Variants in LUZP2 observed in about 807,000 individuals in gnomAD.
LUZP2 encodes leucine zipper protein 2.
Under a neutral mutation model 51.6 loss-of-function variants are expected in LUZP2, and 52 were observed. The ratio of observed to expected loss-of-function variants is 1.01; its 90% CI spans 0.81 to 1.27. LUZP2 has a LOEUF of 1.27. Among genes scored for constraint, LUZP2 ranks in the 50% most tolerant of loss-of-function variants. The pLI, the probability that LUZP2 is intolerant of heterozygous loss-of-function variation, is 0.00. For synonymous variants in LUZP2, 154 were observed against 137.3 expected, an observed-to-expected ratio of 1.12 and a Z score of -0.85; for missense variants, 436 against 395.4, an observed-to-expected ratio of 1.10 and a Z score of -0.87.
At chr11:24,703,304 T>C (rs2133914488) in intron 1 of LUZP2, among the ~76,000 whole-genome samples, 1 of 152,244 alleles carries the variant, frequency 6.6e-6, no homozygotes, top group Middle Eastern at 3.4e-3. Flanking sequence ...ATCTTAAAAG[T>C]CTGTGCATAT....
At chr11:24,579,511 T>A (rs2133818448) in intron 1 of LUZP2, among the ~76,000 whole-genome samples, 1 of 152,236 alleles carries the variant, frequency 6.6e-6, no homozygotes, top group South Asian at 2.1e-4. Flanking sequence ...TTGTTGTAAC[T>A]ACTCAAATTG....
intron 5 of LUZP2, among the ~76,000 whole-genome samples, chr11:24,894,908 T>C (rs1322549073): frequency 6.6e-6 from 1 of 152,084 alleles, no homozygotes; most frequent in Non-Finnish European, 1.5e-5. Context: ...ATCAAAATAG[T>C]TATTAGACAC....
intron 1 of LUZP2, among the ~76,000 whole-genome samples, chr11:24,648,219 A>G (rs191508079): frequency 3.7e-4 from 56 of 151,974 alleles, no homozygotes; most frequent in Admixed American, 3.4e-3. Flanking sequence ...TTAAATTTCT[A>G]CTATCGGCAC....
chr11:24,509,852 G>C (rs1044505165), intron 1 of LUZP2, among the ~76,000 whole-genome samples: 1 of 151,938 alleles, frequency 6.6e-6, no homozygotes, highest in African/African-American at 2.4e-5. Flanking sequence ...GCATAGACTT[G>C]CAAATTTAAT....
chr11:24,969,898 G>C (rs908737142), intron 7 of LUZP2, among the ~76,000 whole-genome samples: 2 of 152,006 alleles, frequency 1.3e-5, no homozygotes, highest in Non-Finnish European at 2.9e-5. Context: ...GTTTTGGTGG[G>C]AACACACACA....
At chr11:24,506,732 A>G (rs1414174106) in intron 1 of LUZP2, among the ~76,000 whole-genome samples, 2 of 152,010 alleles carry the variant, frequency 1.3e-5, no homozygotes, top group Non-Finnish European at 2.9e-5. Context: ...AACACATTAT[A>G]TTCATATATG....
intron 9 of LUZP2, among the ~76,000 whole-genome samples, chr11:24,996,980 G>A (rs1856522638): frequency 6.7e-6 from 1 of 150,140 alleles, no homozygotes; most frequent in African/African-American, 2.5e-5. Context: ...AGTATTCCAT[G>A]GTGTATATGT....
chr11:25,060,283 T>G (rs966471227), intron 10 of LUZP2, among the ~76,000 whole-genome samples: 2 of 152,172 alleles, frequency 1.3e-5, no homozygotes, highest in African/African-American at 4.8e-5. Context: ...TGGTGTTCAG[T>G]GAGGCCCACT....
chr11:24,640,849 T>C (rs1266931320), intron 1 of LUZP2, among the ~76,000 whole-genome samples: 1 of 151,736 alleles, frequency 6.6e-6, no homozygotes, highest in Non-Finnish European at 1.5e-5. Context: ...AAATGAAACA[T>C]AGTTTACAGA....
chr11:25,057,470 G>A (rs550512395), intron 10 of LUZP2, among the ~76,000 whole-genome samples: 1 of 152,052 alleles, frequency 6.6e-6, no homozygotes, highest in Non-Finnish European at 1.5e-5. Context: ...TAAAAGCTGC[G>A]TTGTTTAAAT....
intron 5 of LUZP2, among the ~76,000 whole-genome samples, chr11:24,863,756 A>C (rs1590657239): frequency 6.6e-6 from 1 of 152,320 alleles, no homozygotes; most frequent in East Asian, 1.9e-4. Flanking sequence ...CCCCAGAAAA[A>C]TTGGAGAAAA....
intron 5 of LUZP2, among the ~76,000 whole-genome samples, chr11:24,802,497 A>G (rs988712177): frequency 6.6e-6 from 1 of 151,960 alleles, no homozygotes; most frequent in Admixed American, 6.6e-5. Flanking sequence ...TGAAGTACAC[A>G]TAAGATAAAA....
chr11:24,552,835 AG>A, intron 1 of LUZP2, among the ~76,000 whole-genome samples: 1 of 151,964 alleles, frequency 6.6e-6, no homozygotes, highest in Non-Finnish European at 1.5e-5. Context: ...AGATTAAAAA[AG>A]TCTTTTATAC....
chr11:24,733,640 G>T (rs1036774672), intron 3 of LUZP2, among the ~76,000 whole-genome samples: 3 of 151,622 alleles, frequency 2.0e-5, no homozygotes, highest in African/African-American at 7.3e-5. Context: ...AGTGTTGGTG[G>T]TGAGATGTTG....
intron 1 of LUZP2, among the ~76,000 whole-genome samples, chr11:24,541,922 C>A (rs1851379489): frequency 1.3e-5 from 2 of 151,906 alleles, no homozygotes; most frequent in South Asian, 4.2e-4. Context: ...AAAAAAAACA[C>A]CTGTTAGTTT....
intron 1 of LUZP2, among the ~76,000 whole-genome samples, chr11:24,673,118 G>GA (rs1856450633): frequency 6.6e-6 from 1 of 152,066 alleles, no homozygotes; most frequent in Non-Finnish European, 1.5e-5. Flanking sequence ...TCCATCCATG[G>GA]AAAAATTGTC....
chr11:24,522,536 G>C (rs1850675609), intron 1 of LUZP2, among the ~76,000 whole-genome samples: 3 of 152,006 alleles, frequency 2.0e-5, no homozygotes, highest in African/African-American at 7.2e-5. Flanking sequence ...GTGAGTCTTA[G>C]GCTTCTTAGT....
intron 1 of LUZP2, among the ~76,000 whole-genome samples, chr11:24,720,590 T>C (rs1267401474): frequency 6.6e-6 from 1 of 152,230 alleles, no homozygotes; most frequent in Non-Finnish European, 1.5e-5. Context: ...CTCCAAAGCC[T>C]AATGACTTAC....
intron 9 of LUZP2, among the ~76,000 whole-genome samples, chr11:25,015,444 G>C (rs1037879015): frequency 6.6e-6 from 1 of 152,182 alleles, no homozygotes; most frequent in East Asian, 1.9e-4. Context: ...TCCTATTTTA[G>C]GATCTAACCC....
Sources: allele counts gnomAD v4.1 joint callset (sites outside exome capture counted in the v4.1 genomes callset), GRCh38; gene constraint gnomAD v4.1.1; transcripts MANE v1.5; gene names NCBI Gene and HGNC (gene_info 2026-07-23, HGNC 2026-07-21).